The following ADAM19 variants were observed in gnomAD, a reference collection of about 807,000 sequenced individuals.
ADAM19 encodes ADAM metallopeptidase domain 19.
A neutral mutation model predicts 114.7 loss-of-function variants in ADAM19; 65 were observed. The observed-to-expected ratio is 0.57, with a 90% confidence interval of 0.46 to 0.70. The LOEUF (loss-of-function observed/expected upper bound fraction) is 0.70, where lower values mean the gene tolerates loss of function less well. ADAM19 is among the 30% of genes least tolerant of loss of function. ADAM19 has a pLI of 0.00. For missense variants in ADAM19, 1,063 were observed against 1,204.7 expected (o/e 0.88, Z 1.74); for synonymous variants, 466 against 460.5 (o/e 1.01, Z -0.15).
At chr5:157,512,082 G>A (rs1307152589) in intron 8 of ADAM19, among the ~76,000 whole-genome samples, 1 of 152,218 alleles carries the variant, frequency 6.6e-6, no homozygotes, top group African/African-American at 2.4e-5. Context: ...TGTTTTCCCA[G>A]ATGTCAAATG....
At chr5:157,542,639 C>T (rs1387442077) in intron 3 of ADAM19, among the ~76,000 whole-genome samples, 7 of 152,128 alleles carry the variant, frequency 4.6e-5, no homozygotes, top group Non-Finnish European at 7.4e-5. Flanking sequence ...GGCGAAAGCC[C>T]GTCTCTACAA....
chr5:157,526,734 C>G (rs1461313903), intron 5 of ADAM19, among the ~76,000 whole-genome samples: 1 of 151,948 alleles, frequency 6.6e-6, no homozygotes, highest in Non-Finnish European at 1.5e-5. Flanking sequence ...GGTTCTCCTG[C>G]CTCAGCCTCC....
chr5:157,540,639 A>C (rs1226939558), intron 3 of ADAM19, among the ~76,000 whole-genome samples: 2 of 152,190 alleles, frequency 1.3e-5, no homozygotes, highest in African/African-American at 4.8e-5. Context: ...CCTAGCAAGC[A>C]GGCAGTACAT....
intron 3 of ADAM19, among the ~76,000 whole-genome samples, chr5:157,551,412 C>CAAAAAAAAAAAAAAAA (rs58612508): frequency 8.5e-6 from 1 of 118,262 alleles, no homozygotes. Context: ...CCCCCAACCC[C>CAAAAAAAAAAAAAAAA]AAAAAAAAAA....
At chr5:157,499,480 G>T (rs1755479202) in intron 13 of ADAM19, 93 bp downstream of exon 13, 1 of 1,085,680 alleles carries the variant, frequency 9.2e-7, no homozygotes, top group African/African-American at 1.6e-5. Context: ...GCCCCAGGAT[G>T]GAGGCAAATC....
chr5:157,491,401 T>C lies in ADAM19; in HGVS notation c.2095+214A>G, dbSNP rs374755479. Among the ~76,000 whole-genome samples the C allele has an allele frequency of 4.6e-5, 7 of 152,328 alleles. No individual in the cohort carries two copies. In the South Asian group the frequency reaches 1.2e-3, roughly 27 times the overall value. On this transcript the variant is annotated intron_variant, in intron 18 of 22. Coordinates refer to ENST00000257527, the MANE Select transcript of ADAM19 (RefSeq NM_033274.5). ...TACTAAGCGGGCTCCCCCTCCTCAG[T>C]AGAAAGGATGGGAGAAGAGAGACTG...
chr5:157,489,087 G>C lies in ADAM19; in HGVS notation c.2325+15C>G. The C allele has an allele frequency of 6.2e-7, 1 of 1,610,732 alleles. No homozygotes were observed. The highest frequency in any genetic ancestry group is 8.5e-7 in the Non-Finnish European group (1 of 1,176,984). ...AAAGGAAAAGTAGCAAAGTTCAGTG[G>C]TGCAAAGCTCTTACCTTTCGCTTGC... On this transcript the variant is annotated intron_variant, in intron 20 of 22. Coordinates refer to ENST00000257527, the MANE Select transcript of ADAM19 (RefSeq NM_033274.5).
chr5:157,547,869 G>A (rs1439150508), intron 3 of ADAM19, among the ~76,000 whole-genome samples: 1 of 152,148 alleles, frequency 6.6e-6, no homozygotes, highest in Non-Finnish European at 1.5e-5. Flanking sequence ...CTGTCACTAT[G>A]TGACTTTTAA....
intron 3 of ADAM19, among the ~76,000 whole-genome samples, chr5:157,549,145 T>C (rs1757124443): frequency 6.6e-6 from 1 of 152,200 alleles, no homozygotes; most frequent in Non-Finnish European, 1.5e-5. Context: ...TTCCAAGGTG[T>C]AGAAATACAG....
intron 2 of ADAM19, chr5:157,570,677 T>A: frequency 2.1e-6 from 1 of 475,398 alleles, no homozygotes; most frequent in South Asian, 3.2e-5. Flanking sequence ...TAATGTGAAT[T>A]TTCATTTCCT....
chr5:157,517,376 C>T (rs1218022765), intron 7 of ADAM19, among the ~76,000 whole-genome samples: 3 of 152,190 alleles, frequency 2.0e-5, no homozygotes, highest in African/African-American at 2.4e-5. Flanking sequence ...ACACAGCGAG[C>T]GCTCAGCTCA....
intron 4 of ADAM19, among the ~76,000 whole-genome samples, chr5:157,535,050 G>T: frequency 7.6e-6 from 1 of 131,902 alleles, no homozygotes; most frequent in East Asian, 2.2e-4. Flanking sequence ...TAAAATGTGG[G>T]GTTGGAAGAG....
chr5:157,543,574 T>C lies in ADAM19; in HGVS notation c.252-5583A>G, dbSNP rs558168360. On this transcript the variant is annotated intron_variant, in intron 3 of 22. Coordinates refer to ENST00000257527, the MANE Select transcript of ADAM19 (RefSeq NM_033274.5). ...TTATTTGTAAAGTAGAAAGTATTTG[T>C]GCTTTACAAATATTGCTATCATTTT... is the stretch of plus-strand genomic sequence containing the variant. Among the ~76,000 whole-genome samples the C allele has an allele frequency of 1.1e-4, 17 of 152,328 alleles. No individual in the cohort carries two copies. In the South Asian group the frequency reaches 2.9e-3, roughly 26 times the overall value.
At chr5:157,506,954 T>C (rs1755761191) in intron 10 of ADAM19, 102 bp downstream of exon 10, 1 of 1,063,942 alleles carries the variant, frequency 9.4e-7, no homozygotes, top group African/African-American at 1.6e-5. Flanking sequence ...AAGCTTTTTC[T>C]GCTACAATAA....
In ADAM19 at chr5:157,575,599, T is replaced by C; in HGVS notation, c.94+4A>G. The stretch of plus-strand genomic sequence containing the variant: ...CCTCCATCCCCCCGCGCCTGGCCAC[T>C]TACTTGTCCATCCAGGCTCCCGCGC... On this transcript the variant is annotated splice_donor_region_variant and intron_variant, in intron 1 of 22. Coordinates refer to ENST00000257527, the MANE Select transcript of ADAM19 (RefSeq NM_033274.5). The C allele has an allele frequency of 4.1e-6, 6 of 1,463,096 alleles. No individual in the cohort carries two copies. Among genetic ancestry groups the C allele is most frequent in the Non-Finnish European group, 4.5e-6 (5 of 1,113,712 alleles). 90.6% of individuals were successfully genotyped at this position (1,463,096 alleles called of 1,614,324 possible).
rs201242177 is a variant in ADAM19, at chr5:157,522,667, T to G, written c.408-2636A>C. ...CAGGCGTACTGGCGGGTGCCTGTAA[T>G]CCCAGCTACTCAGGAGGCTGAGGCA... On this transcript the variant is annotated intron_variant, in intron 5 of 22. Coordinates refer to ENST00000257527, the MANE Select transcript of ADAM19 (RefSeq NM_033274.5). 9.2e-5 allele frequency among the ~76,000 whole-genome samples: 14 copies of G among 152,182 alleles called. No individual in the cohort carries two copies. In the East Asian group the frequency reaches 2.7e-3, roughly 29 times the overall value.
intron 11 of ADAM19, 116 bp from the exon 12 acceptor site, chr5:157,503,096 C>A: frequency 1.2e-6 from 1 of 841,020 alleles, no homozygotes; most frequent in East Asian, 2.6e-5. Flanking sequence ...GGGTTCAGAC[C>A]CCCATTGTCT....
rs944636369 is a variant in ADAM19, at chr5:157,491,138, T to TA, written c.2095+476dup. 1.5e-3 allele frequency among the ~76,000 whole-genome samples: 229 copies of TA among 149,960 alleles called. 3 individuals are homozygous for TA. Among genetic ancestry groups the TA allele is most frequent in the South Asian group, 5.9e-3 (28 of 4,742 alleles). ...TTTTAAAGTTATTTGCTATTTTTTT[T>TA]AAAAAAAAAACTTTAGAAATCATAG... is the stretch of plus-strand genomic sequence containing the variant. On this transcript the variant is annotated intron_variant, in intron 18 of 22. Transcript: ENST00000257527.
intron 2 of ADAM19, 40 bp from the exon 3 acceptor site, chr5:157,564,483 G>A (rs564098586): frequency 6.0e-5 from 95 of 1,585,328 alleles, no homozygotes; most frequent in South Asian, 3.6e-4. Context: ...CCTAAAAGCC[G>A]GCACCAGGCT....
Sources: allele counts gnomAD v4.1 joint callset (sites outside exome capture counted in the v4.1 genomes callset), GRCh38; gene constraint gnomAD v4.1.1; transcripts MANE v1.5; gene names NCBI Gene and HGNC (gene_info 2026-07-23, HGNC 2026-07-21).